GAPDHS: variants seen among roughly 807,000 people sequenced by gnomAD.
The protein encoded by GAPDHS is glyceraldehyde-3-phosphate dehydrogenase, spermatogenic.
GAPDHS carries 42 observed loss-of-function variants against 48.7 expected under a neutral mutation model. The ratio of observed to expected loss-of-function variants is 0.86; its 90% CI spans 0.67 to 1.12. The LOEUF (loss-of-function observed/expected upper bound fraction) is 1.12, where lower values mean the gene tolerates loss of function less well. Among genes scored for constraint, GAPDHS ranks in the 50% most tolerant of loss-of-function variants. The pLI, the probability that GAPDHS is intolerant of heterozygous loss-of-function variation, is 0.00. For synonymous variants in GAPDHS, 166 were observed against 219.1 expected (o/e 0.76, Z 2.14); for missense variants, 512 against 557.7 (o/e 0.92, Z 0.82).
rs1399443784 is a variant in GAPDHS, at chr19:35,533,575, G to A, written c.48G>A (p.Leu16=). The change falls in exon 1 of 11, where the codon TTG becomes TTA. Residue 16 remains leucine, a synonymous_variant. Coordinates refer to ENST00000222286, the MANE Select transcript of GAPDHS (RefSeq NM_014364.5). ...TCACCAATGTCACCGTTGTCCAGTT[G>A]CTGCGACAGCCGTGCCCGGGTGAGG... ...IVLTNVTVVQ[L]LRQPCPVTRA... 1.9e-6 allele frequency: 3 copies of A among 1,612,712 alleles called. No individual in the cohort carries two copies. The East Asian group carries it at 6.7e-5, about 36-fold the overall frequency.
intron 1 of GAPDHS, among the ~76,000 whole-genome samples, chr19:35,534,193 GCACACA>G (rs3216892): frequency 7.3e-6 from 1 of 136,946 alleles, no homozygotes; most frequent in Non-Finnish European, 1.6e-5. Context: ...CCGCGCGCGC[GCACACA>G]CACACACACA....
intron 7 of GAPDHS, 75 bp from the exon 8 acceptor site, chr19:35,543,264 CA>C: frequency 6.4e-7 from 1 of 1,556,610 alleles, no homozygotes; most frequent in Non-Finnish European, 8.8e-7. Context: ...CCTAGGCCAC[CA>C]ACTTAGTCCT....
At chr19:35,542,639 TGGAA>T (rs1391286026) in intron 6 of GAPDHS, 31 bp downstream of exon 6, 23 of 1,431,030 alleles carry the variant, frequency 1.6e-5, no homozygotes, top group Middle Eastern at 1.7e-4. Flanking sequence ...CTGCAATGTG[TGGAA>T]GGGAGGGTAG....
chr19:35,545,123 C>T lies in GAPDHS; in HGVS notation c.1180C>T (p.His394Tyr), dbSNP rs2071536916. The T allele has an allele frequency of 2.5e-6, 4 of 1,614,106 alleles. No homozygotes were observed. The East Asian group carries it at 6.7e-5, about 27-fold the overall frequency. ...GTACGACAACGAATATGGCTACAGT[C>T]ACCGGGTGGTCGACCTCCTCCGCTA... Reference protein sequence around the residue: ...SWYDNEYGYSHRVVDLLRYMF... With the variant: ...SWYDNEYGYSYRVVDLLRYMF... Residue 394 changes from histidine (H) to tyrosine (Y), a missense_variant, in exon 11 of 11, where the codon CAC (histidine) becomes TAC (tyrosine). His to Tyr is a moderately conservative substitution (Grantham distance 83). Transcript: ENST00000222286.
intron 4 of GAPDHS, among the ~76,000 whole-genome samples, chr19:35,539,561 CCA>C (rs888880931): frequency 2.6e-5 from 4 of 151,998 alleles, no homozygotes; most frequent in African/African-American, 9.7e-5. Flanking sequence ...ACCCACAGGC[CCA>C]CACACATGCA....
chr19:35,539,938 C>T (rs1473884971), intron 4 of GAPDHS, among the ~76,000 whole-genome samples: 2 of 152,234 alleles, frequency 1.3e-5, no homozygotes, highest in African/African-American at 2.4e-5. Flanking sequence ...GTCTTGCCTT[C>T]TCTGGTCACT....
At chr19:35,535,121 G>A (rs955658418) in intron 1 of GAPDHS, among the ~76,000 whole-genome samples, 5 of 152,194 alleles carry the variant, frequency 3.3e-5, no homozygotes, top group African/African-American at 1.2e-4. Context: ...GGTCTGTGTG[G>A]ACTGAGCCAG....
At chr19:35,535,887 A>G (rs1011640230) in intron 1 of GAPDHS, among the ~76,000 whole-genome samples, 1 of 151,090 alleles carries the variant, frequency 6.6e-6, no homozygotes, top group African/African-American at 2.4e-5. Flanking sequence ...CTCTTGCCTC[A>G]GCCCCCCGAG....
At chr19:35,538,027 G>C (rs2071476797) in intron 2 of GAPDHS, among the ~76,000 whole-genome samples, 2 of 152,166 alleles carry the variant, frequency 1.3e-5, no homozygotes, top group African/African-American at 4.8e-5. Context: ...AATGAGCCCA[G>C]ATAGCGCCAC....
Position 35,545,149 on chromosome 19 carries a change from C to T in GAPDHS, c.1206C>T (p.Tyr402=). 1 of 1,613,840 alleles carries T rather than the reference C, an allele frequency of 6.2e-7. No individual in the cohort carries two copies. Among genetic ancestry groups the T allele is most frequent in the East Asian group, 2.2e-5 (1 of 44,880 alleles). Residue 402 remains tyrosine, a synonymous_variant, in exon 11 of 11, where the codon TAC becomes TAT. Coordinates refer to ENST00000222286, the MANE Select transcript of GAPDHS (RefSeq NM_014364.5). ...YSHRVVDLLR[Y]MFSRDK Reference sequence around the variant, plus strand: ...ACCGGGTGGTCGACCTCCTCCGCTACATGTTCAGCCGAGACAAGTGAAACG... The same window carrying T: ...ACCGGGTGGTCGACCTCCTCCGCTATATGTTCAGCCGAGACAAGTGAAACG...
chr19:35,545,103 A>AGGG lies in GAPDHS; in HGVS notation c.1160_1161insGGG (p.Asp387delinsGluGly). On this transcript the variant is annotated protein_altering_variant, in exon 11 of 11. Transcript: ENST00000222286. The stretch of plus-strand genomic sequence containing the variant: ...TCCCGACCCCTCCTCCACAGGTACG[A>AGGG]CAACGAATATGGCTACAGTCACCGG... The AGGG allele has an allele frequency of 1.2e-6, 2 of 1,614,082 alleles. No homozygotes were observed. The highest frequency in any genetic ancestry group is 1.7e-6 in the Non-Finnish European group (2 of 1,179,938).
intron 8 of GAPDHS, 47 bp from the exon 9 acceptor site, chr19:35,543,618 C>T (rs895848599): frequency 3.8e-6 from 6 of 1,597,528 alleles, no homozygotes; most frequent in Non-Finnish European, 5.1e-6. Flanking sequence ...GAATGGAGGG[C>T]AACGTCCCTA....
chr19:35,537,075 T>TC, intron 2 of GAPDHS, 85 bp downstream of exon 2: 3 of 1,149,482 alleles, frequency 2.6e-6, no homozygotes, highest in African/African-American at 1.5e-5. Flanking sequence ...CCTCCACATT[T>TC]CCCCCCATCA....
In GAPDHS at chr19:35,538,309, T is replaced by C. The variant is rs1319248986; in HGVS notation, c.248T>C (p.Phe83Ser). ...CCTTCCTGTCTGTCCCTGGCCAGAT[T>C]TGGACGCATCGGTCGCCTGGTCCTG... is the stretch of plus-strand genomic sequence containing the variant. ...ARELTVGING[F>S]GRIGRLVLRA... is the part of the protein sequence containing the mutation. Residue 83 changes from phenylalanine (F) to serine (S), a missense_variant and splice_region_variant, in exon 3 of 11, where the codon TTT (phenylalanine) becomes TCT (serine). Phe to Ser is a radical substitution (Grantham distance 155, BLOSUM62 -2). Coordinates refer to ENST00000222286, the MANE Select transcript of GAPDHS (RefSeq NM_014364.5). 1.9e-6 allele frequency: 3 copies of C among 1,611,590 alleles called. No individual in the cohort carries two copies. The highest frequency in any genetic ancestry group is 1.3e-5 in the African/African-American group (1 of 74,960).
At position 35,542,539 on chromosome 19, in the gene GAPDHS, C is replaced by T. The variant is rs752273532; in HGVS notation, c.590C>T (p.Pro197Leu). 5.6e-6 allele frequency: 9 copies of T among 1,613,884 alleles called. No individual in the cohort carries two copies. The highest frequency in any genetic ancestry group is 2.7e-5 in the African/African-American group (2 of 74,888). ...CGTGTGGTCATCTCCGCGCCCTCACCGGATGCACCAATGTTCGTCATGGGT... is the reference window on the plus strand; with the variant it reads ...CGTGTGGTCATCTCCGCGCCCTCACTGGATGCACCAATGTTCGTCATGGGT... ...AQRVVISAPSPDAPMFVMGVN... is the reference protein window; with the variant it reads ...AQRVVISAPSLDAPMFVMGVN... Residue 197 changes from proline (P) to leucine (L), a missense_variant, in exon 6 of 11, where the codon CCG becomes CTG. By Grantham distance (98) the Pro-to-Leu change is moderately conservative (BLOSUM62 -3). Transcript: ENST00000222286.
In GAPDHS at chr19:35,544,131, T is replaced by C. The variant is rs2071527319; in HGVS notation, c.1056+304T>C. The C allele has an allele frequency of 1.9e-5, 6 of 323,290 alleles. No individual in the cohort carries two copies. The East Asian group carries it at 3.9e-4, about 21-fold the overall frequency. 20.0% of individuals were successfully genotyped at this position (323,290 alleles called of 1,614,324 possible). ...CCTCACCTGAAATTTCATTTCATAGTCACTGTTGGCCCCAGTGGTGTGTGC... is the reference window on the plus strand; with the variant it reads ...CCTCACCTGAAATTTCATTTCATAGCCACTGTTGGCCCCAGTGGTGTGTGC... On this transcript the variant is annotated intron_variant, in intron 9 of 10. Transcript: ENST00000222286.
chr19:35,537,329 C>T (rs1374029997), intron 2 of GAPDHS, among the ~76,000 whole-genome samples: 1 of 152,176 alleles, frequency 6.6e-6, no homozygotes, highest in Non-Finnish European at 1.5e-5. Flanking sequence ...TGATGAGACA[C>T]AGCCAGCTCC....
At position 35,534,371 on chromosome 19, in the gene GAPDHS, C is replaced by T. The variant is rs1469950226; in HGVS notation, c.67+777C>T. Among the ~76,000 whole-genome samples, 9 of 152,208 alleles carry T rather than the reference C, an allele frequency of 5.9e-5. No individual in the cohort carries two copies. In the East Asian group the frequency reaches 1.7e-3, roughly 29 times the overall value. ...AAGACACAGGAGCAGACAGGCTTAC[C>T]AGCCTCATGAGACTTGAACCCCTGC... On this transcript the variant is annotated intron_variant, in intron 1 of 10. Transcript: ENST00000222286.
chr19:35,539,151 C>A (rs2071484946), intron 4 of GAPDHS, among the ~76,000 whole-genome samples: 3 of 152,340 alleles, frequency 2.0e-5, no homozygotes, highest in Middle Eastern at 3.4e-3. Context: ...CCCACCTTGG[C>A]CTCCCAGAGT....
Sources: gnomAD v4.1 joint callset for allele counts (sites outside exome capture counted in the v4.1 genomes callset) on GRCh38, gnomAD v4.1.1 for gene constraint, MANE v1.5 for transcripts, NCBI Gene and HGNC (gene_info 2026-07-23, HGNC 2026-07-21) for gene names.